The following ATAD1 variants were observed in gnomAD, a reference collection of about 807,000 sequenced individuals.
ATAD1 encodes ATPase family AAA domain containing 1.
ATAD1 carries 18 observed loss-of-function variants against 42.7 expected under a neutral mutation model. The ratio of observed to expected loss-of-function variants is 0.42; its 90% CI spans 0.29 to 0.63. The LOEUF (loss-of-function observed/expected upper bound fraction) is 0.63. ATAD1 is among the 20% of genes least tolerant of loss of function. The probability of loss-of-function intolerance (pLI) is 0.19; values close to 1 mark genes in which losing one functional copy is unlikely to be tolerated. For missense variants in ATAD1, 294 were observed against 440.4 expected, an observed-to-expected ratio of 0.67 and a Z score of 2.98; for synonymous variants, 132 against 143.1, an observed-to-expected ratio of 0.92 and a Z score of 0.55.
At chr10:87,776,920 G>A (rs1378246534) in intron 5 of ATAD1, among the ~76,000 whole-genome samples, 4 of 151,856 alleles carry the variant, frequency 2.6e-5, no homozygotes, top group African/African-American at 9.7e-5. Flanking sequence ...ATAAATATGT[G>A]CAATTATTAT....
At chr10:87,761,057 G>A (rs35120998) in intron 8 of ATAD1, among the ~76,000 whole-genome samples, 10,199 of 151,510 alleles carry the variant, frequency 0.067, 351 homozygotes, top group Middle Eastern at 0.12. Context: ...TCAAAGTCTG[G>A]AAGTTCATGT....
At chr10:87,806,678 T>C (rs183375696) in intron 2 of ATAD1, among the ~76,000 whole-genome samples, 41 of 152,334 alleles carry the variant, frequency 2.7e-4, no homozygotes, top group African/African-American at 9.4e-4. Flanking sequence ...GCGAATATTA[T>C]GCTCTGGCAT....
At chr10:87,762,090 T>G (rs1478326048) in intron 8 of ATAD1, among the ~76,000 whole-genome samples, 2 of 152,138 alleles carry the variant, frequency 1.3e-5, no homozygotes, top group East Asian at 1.9e-4. Context: ...CTAAATAACC[T>G]GTGTAAATTA....
At chr10:87,789,041 A>G (rs1855970115) in intron 4 of ATAD1, among the ~76,000 whole-genome samples, 1 of 152,214 alleles carries the variant, frequency 6.6e-6, no homozygotes, top group Non-Finnish European at 1.5e-5. Context: ...TCCACTTACC[A>G]GAAACAAAAA....
At chr10:87,821,543 T>G (rs1168290496), upstream of ATAD1, among the ~76,000 whole-genome samples, 1 of 151,698 alleles carries the variant, frequency 6.6e-6, no homozygotes. Context: ...AAAAAAAAAA[T>G]TAGGTGTTCT....
At chr10:87,797,692 G>A (rs1172248229) in intron 2 of ATAD1, among the ~76,000 whole-genome samples, 1 of 152,156 alleles carries the variant, frequency 6.6e-6, no homozygotes, top group African/African-American at 2.4e-5. Context: ...GTGTGTAATG[G>A]TGAATGAGAG....
rs73352883 is a variant in ATAD1, at chr10:87,810,241, G to C, written c.162+4197C>G. ...TCTCTACTGTACTGCACTATAGCCA[G>C]GAAATGTTAATAAATACGCTACCAA... On this transcript the variant is annotated intron_variant, in intron 2 of 9. Transcript: ENST00000680024. 8.2e-3 allele frequency among the ~76,000 whole-genome samples: 1,243 copies of C among 151,148 alleles called. 12 individuals are homozygous for C. The highest frequency in any genetic ancestry group is 0.029 in the African/African-American group (1,186 of 41,114).
Position 87,829,349 on chromosome 10 carries a change from G to A in ATAD1, c.-14+11838C>T, listed in dbSNP as rs996966774. Among the ~76,000 whole-genome samples, 9 of 151,610 alleles carry A rather than the reference G, an allele frequency of 5.9e-5. No individual in the cohort carries two copies. In the East Asian group the frequency reaches 1.4e-3, roughly 23 times the overall value. Reference sequence around the variant, plus strand: ...TGGCTCACTGCAACCTCTTCCTCCCGGGTTCAAGCAATTCTCCTGCCTCAG... The same window carrying A: ...TGGCTCACTGCAACCTCTTCCTCCCAGGTTCAAGCAATTCTCCTGCCTCAG... On this transcript the variant is annotated intron_variant, in intron 1 of 4. Transcript: ENST00000495903.
intron 5 of ATAD1, among the ~76,000 whole-genome samples, chr10:87,781,990 A>G (rs984706847): frequency 6.6e-6 from 1 of 151,992 alleles, no homozygotes; most frequent in African/African-American, 2.4e-5. Context: ...ACATGCAAAT[A>G]TATACAATGG....
intron 2 of ATAD1, among the ~76,000 whole-genome samples, chr10:87,808,780 A>G (rs1021121747): frequency 1.3e-5 from 2 of 152,220 alleles, no homozygotes; most frequent in African/African-American, 4.8e-5. Context: ...TGGTCGCATT[A>G]TATTTTTTCT....
In ATAD1 at chr10:87,783,991, G is replaced by C. The variant is rs117189941; in HGVS notation, c.583+479C>G. On this transcript the variant is annotated intron_variant, in intron 5 of 9. Transcript: ENST00000680024. Reference sequence around the variant, plus strand: ...GTAATCATAATAAACATCAACAAAAGAAAACTACAAATAACTCCAAAGAAA... The same window carrying C: ...GTAATCATAATAAACATCAACAAAACAAAACTACAAATAACTCCAAAGAAA... Among the ~76,000 whole-genome samples the C allele has an allele frequency of 4.5e-3, 684 of 150,374 alleles. 5 individuals are homozygous for C. Among genetic ancestry groups the C allele is most frequent in the Non-Finnish European group, 7.2e-3 (487 of 67,564 alleles).
At chr10:87,772,917 A>G (rs1316187200) in intron 6 of ATAD1, among the ~76,000 whole-genome samples, 4 of 152,196 alleles carry the variant, frequency 2.6e-5, no homozygotes, top group Admixed American at 2.6e-4. Context: ...AAGAAACAAA[A>G]TCAATGCTCC....
At chr10:87,819,639 A>G (rs1184034238), upstream of ATAD1, among the ~76,000 whole-genome samples, 3 of 152,222 alleles carry the variant, frequency 2.0e-5, no homozygotes, top group African/African-American at 7.2e-5. Flanking sequence ...GTTTTTACAA[A>G]TGAGCAAATT....
At chr10:87,798,439 C>A (rs1021625607) in intron 2 of ATAD1, among the ~76,000 whole-genome samples, 1 of 152,110 alleles carries the variant, frequency 6.6e-6, no homozygotes, top group Admixed American at 6.5e-5. Flanking sequence ...GGTCGACCTA[C>A]AAACTACAGA....
chr10:87,761,790 C>T (rs1854496845), intron 8 of ATAD1, among the ~76,000 whole-genome samples: 1 of 151,978 alleles, frequency 6.6e-6, no homozygotes, highest in Non-Finnish European at 1.5e-5. Flanking sequence ...TTTTTAGAGA[C>T]AGGATCTTGC....
chr10:87,802,637 T>C (rs964474158), intron 2 of ATAD1, among the ~76,000 whole-genome samples: 1 of 148,146 alleles, frequency 6.8e-6, no homozygotes, highest in Non-Finnish European at 1.5e-5. Context: ...AGCAAGACTA[T>C]GTCACGAAAA....
intron 4 of ATAD1, among the ~76,000 whole-genome samples, chr10:87,788,084 T>G (rs1036731691): frequency 6.6e-6 from 1 of 152,244 alleles, no homozygotes; most frequent in Non-Finnish European, 1.5e-5. Context: ...CAATATCTTA[T>G]GTGTGCCCCC....
intron 1 of ATAD1, among the ~76,000 whole-genome samples, chr10:87,826,254 G>A (rs943641069): frequency 2.0e-5 from 3 of 152,212 alleles, no homozygotes; most frequent in Non-Finnish European, 4.4e-5. Flanking sequence ...TGGCAGGGAT[G>A]AAAGTCTCAT....
At chr10:87,832,457 A>T (rs1407415679) in intron 1 of ATAD1, among the ~76,000 whole-genome samples, 1 of 151,024 alleles carries the variant, frequency 6.6e-6, no homozygotes, top group Non-Finnish European at 1.5e-5. Context: ...TGGGCTGTTT[A>T]TTCTGTTCCA....
Sources: allele counts gnomAD v4.1 joint callset (sites outside exome capture counted in the v4.1 genomes callset), GRCh38; gene constraint gnomAD v4.1.1; transcripts MANE v1.5; gene names NCBI Gene and HGNC (gene_info 2026-07-23, HGNC 2026-07-21).